Variants in RASA4 observed in about 807,000 individuals in gnomAD.
The protein encoded by RASA4 is ras GTPase-activating protein 4.
RASA4 carries 5 observed loss-of-function variants against 24.0 expected under a neutral mutation model. The observed-to-expected ratio is 0.21, with a 90% CI of 0.11 to 0.44. RASA4 has a LOEUF of 0.44. RASA4 is among the 20% of genes least tolerant of loss of function. The pLI is 0.99. For synonymous variants in RASA4, 9 were observed against 132.7 expected (o/e 0.07, Z 6.41); for missense variants, 38 against 293.0 (o/e 0.13, Z 6.35).
chr7:102,599,914 T>C lies in RASA4; in HGVS notation c.683A>G (p.Glu228Gly), dbSNP rs1160793282. 5.2e-6 allele frequency: 1 copy of C among 193,764 alleles called. No individual in the cohort carries two copies. The highest frequency in any genetic ancestry group is 8.7e-5 in the Admixed American group (1 of 11,530). The allele number at this position is 193,764 out of a possible 1,614,324, so 12.0% of individuals were successfully genotyped here. Residue 228 changes from glutamate to glycine, a missense_variant, in exon 8 of 21, where the codon GAG becomes GGG. Transcript: ENST00000262940. Reference sequence around the variant, plus strand: ...GGGCTGCAGCCGGAACCAGCCCTCCTCCTGCTGCACCACCCGCAGTCTCTG... The same window carrying C: ...GGGCTGCAGCCGGAACCAGCCCTCCCCCTGCTGCACCACCCGCAGTCTCTG... The part of the protein sequence containing the change: ...DVQRLRVVQQ[E>G]EGWFRLQPDQ...
In RASA4 at chr7:102,605,938, C is replaced by A. The variant is rs369222056; in HGVS notation, c.348G>T (p.Val116=). The A allele has an allele frequency of 5.6e-6, 9 of 1,600,316 alleles. No individual in the cohort carries two copies. The highest frequency in any genetic ancestry group is 6.8e-6 in the Non-Finnish European group (8 of 1,173,406). The change falls in exon 5 of 21, where the codon GTG becomes GTT. Residue 116 remains valine (V), a synonymous_variant. Coordinates refer to ENST00000262940, the MANE Select transcript of RASA4 (RefSeq NM_006989.6). ...HLTEVDPDEE[V]QGEIHLRLEV... ...CCAGCCGCAGGTGGATCTCGCCCTG[C>A]ACCTCCTCATCGGGGTCGACCTCCG...
At chr7:102,614,292 GC>G (rs1790978014) in intron 1 of RASA4, among the ~76,000 whole-genome samples, 1 of 132,554 alleles carries the variant, frequency 7.5e-6, no homozygotes, top group African/African-American at 2.9e-5. Flanking sequence ...AGAATTCTCA[GC>G]CTGTCGGCAG....
intron 8 of RASA4, among the ~76,000 whole-genome samples, chr7:102,597,814 C>T (rs1790291309): frequency 1.5e-5 from 1 of 64,946 alleles, no homozygotes; most frequent in South Asian, 1.0e-3. Flanking sequence ...TCCTGGGTTC[C>T]AGCAATTATC....
intron 5 of RASA4, among the ~76,000 whole-genome samples, chr7:102,603,183 A>T (rs1586849145): frequency 1.5e-5 from 2 of 135,392 alleles, no homozygotes. Flanking sequence ...CTGCCGTCGA[A>T]CTCCTGACCT....
At chr7:102,591,135 A>G (rs1194888316) in intron 16 of RASA4, among the ~76,000 whole-genome samples, 1 of 101,532 alleles carries the variant, frequency 9.8e-6, no homozygotes, top group Non-Finnish European at 1.9e-5. Context: ...AAAAAGTTAA[A>G]GAAAATTAGC....
At position 102,606,673 on chromosome 7, in the gene RASA4, CAAAA is replaced by C. The variant is rs530052250; in HGVS notation, c.299-690_299-687del. 7.9e-5 allele frequency among the ~76,000 whole-genome samples: 5 copies of C among 63,288 alleles called. No individual in the cohort carries two copies. The East Asian group carries it at 1.2e-3, about 16-fold the overall frequency. 41.5% of individuals were successfully genotyped at this position (63,288 alleles called of 152,430 possible). The stretch of plus-strand genomic sequence containing the variant: ...TGGGTGATAGAGCAAGACCCCATCT[CAAAA>C]AAAAAAAAAAAAAGATGGAGTCTTG... On this transcript the variant is annotated intron_variant, in intron 4 of 20. Transcript: ENST00000262940.
At position 102,595,207 on chromosome 7, in the gene RASA4, G is replaced by C. The variant is rs1192012733; in HGVS notation, c.1071+98C>G. 4 of 553,278 alleles carry C rather than the reference G, an allele frequency of 7.2e-6. 1 individual carries two copies. Among genetic ancestry groups the C allele is most frequent in the Non-Finnish European group, 1.1e-5 (4 of 349,202 alleles). The allele number at this position is 553,278 out of a possible 1,614,324, so 34.3% of individuals were successfully genotyped here. On this transcript the variant is annotated intron_variant, in intron 11 of 20. Transcript: ENST00000262940. ...AACCTTAAAGGGCTCTGAATATGGA[G>C]ATAGAACACTGGAGTCGAAGTCCCA...
chr7:102,580,224 TA>T lies in RASA4; in HGVS notation c.*2546del, dbSNP rs1325303270. ...TTGCAATTGGTTGCTGTAAGTCACC[TA>T]AATATCTTCTCTTTTTTATACTTTT... On this transcript the variant is annotated 3_prime_UTR_variant, in exon 21 of 21. Transcript: ENST00000262940. 6.9e-6 allele frequency: 1 copy of T among 145,598 alleles called. No individual in the cohort carries two copies. Among genetic ancestry groups the T allele is most frequent in the African/African-American group, 2.5e-5 (1 of 39,574 alleles). 9.0% of individuals were successfully genotyped at this position (145,598 alleles called of 1,614,324 possible).
Position 102,591,897 on chromosome 7 carries a change from G to A in RASA4, c.1830+388C>T, listed in dbSNP as rs1337739240. Among the ~76,000 whole-genome samples the A allele has an allele frequency of 3.9e-5, 6 of 152,234 alleles. No homozygotes were observed. The South Asian group carries it at 1.3e-3, about 32-fold the overall frequency. On this transcript the variant is annotated intron_variant, in intron 16 of 20. Transcript: ENST00000262940. ...TGCCCAGGTTGGAGTGCAGTGGCAC[G>A]ATCTCGGCTCACTGCAACTTCTGCC...
At chr7:102,614,208 CA>C in intron 1 of RASA4, among the ~76,000 whole-genome samples, 1 of 135,204 alleles carries the variant, frequency 7.4e-6, no homozygotes, top group African/African-American at 2.8e-5. Context: ...ACTCTGCAGC[CA>C]AATGCTTTGC....
rs376405835 is a variant in RASA4 at position 102,594,891 on chromosome 7, G to A, written c.1072-332C>T. On this transcript the variant is annotated intron_variant, in intron 11 of 20. Transcript: ENST00000262940. ...CACACACATTCTCTTTGGGGGGGGG[G>A]GGTGCGGGGCACGGAGTCTAGCACG... is the stretch of plus-strand genomic sequence containing the variant. Among the ~76,000 whole-genome samples the A allele has an allele frequency of 2.4e-4, 13 of 53,914 alleles. No homozygotes were observed. The East Asian group carries it at 5.4e-3, about 22-fold the overall frequency. 35.4% of individuals were successfully genotyped at this position (53,914 alleles called of 152,430 possible). A position where few individuals can be genotyped will look rare whatever the true frequency, so the allele number is the denominator to read the frequency against.
At chr7:102,605,613 G>T (rs1274755129) in intron 5 of RASA4, among the ~76,000 whole-genome samples, 3 of 150,814 alleles carry the variant, frequency 2.0e-5, no homozygotes, top group Non-Finnish European at 4.4e-5. Context: ...TCTCACCATG[G>T]TGGTCAGGCT....
chr7:102,612,251 A>G (rs1211350672), intron 1 of RASA4: 2 of 149,144 alleles, frequency 1.3e-5, no homozygotes, highest in African/African-American at 4.9e-5. Flanking sequence ...GCTGCCTCCC[A>G]CCTGCTCTGA....
intron 8 of RASA4, among the ~76,000 whole-genome samples, chr7:102,598,349 C>CAAAA (rs752931926): frequency 2.0e-5 from 2 of 97,674 alleles, no homozygotes; most frequent in African/African-American, 3.6e-5. Context: ...AGATTCTGCT[C>CAAAA]AAAAAAAAAA....
chr7:102,590,928 G>A (rs1418227734), intron 16 of RASA4, among the ~76,000 whole-genome samples: 4 of 135,168 alleles, frequency 3.0e-5, no homozygotes, highest in Non-Finnish European at 1.6e-5. Flanking sequence ...CAACAAAAGC[G>A]AAACTCCATC....
chr7:102,603,633 C>A (rs1451633664), intron 5 of RASA4, among the ~76,000 whole-genome samples: 1 of 152,256 alleles, frequency 6.6e-6, no homozygotes, highest in African/African-American at 2.4e-5. Flanking sequence ...TATTTTAAGC[C>A]TCTCATACCT....
At chr7:102,603,894 G>A (rs1329095293) in intron 5 of RASA4, among the ~76,000 whole-genome samples, 2 of 150,656 alleles carry the variant, frequency 1.3e-5, no homozygotes, top group African/African-American at 4.8e-5. Context: ...CGGGTGCAGT[G>A]GCTCACGCCT....
At chr7:102,595,242 G>A in intron 11 of RASA4, 63 bp downstream of exon 11, 1 of 547,708 alleles carries the variant, frequency 1.8e-6, no homozygotes, top group South Asian at 2.1e-5. Flanking sequence ...AGCCCCCTCT[G>A]TCGCTCTCTG....
intron 1 of RASA4, 142 bp downstream of exon 1, chr7:102,616,482 AT>A: frequency 1.8e-6 from 2 of 1,103,838 alleles, no homozygotes; most frequent in South Asian, 1.8e-5. Context: ...CACTGTCCCC[AT>A]TTTCCCCGCC....
Sources: gnomAD v4.1 joint callset for allele counts (sites outside exome capture counted in the v4.1 genomes callset) on GRCh38, gnomAD v4.1.1 for gene constraint, MANE v1.5 for transcripts, NCBI Gene and HGNC (gene_info 2026-07-23, HGNC 2026-07-21) for gene names.